The following SMARCA4 variants were observed in gnomAD, a reference collection of about 807,000 sequenced individuals.
The protein encoded by SMARCA4 is SWI/SNF related BAF chromatin remodeling complex subunit ATPase 4.
A neutral mutation model predicts 193.9 loss-of-function variants in SMARCA4; 31 were observed. The observed-to-expected ratio is 0.16, with a 90% CI of 0.12 to 0.22. The LOEUF is 0.22. Ranked by LOEUF, SMARCA4 falls within the 10% of genes least tolerant of loss-of-function variation. SMARCA4 has a pLI of 1.00. For missense variants in SMARCA4, 1,148 were observed against 2,296.0 expected (o/e 0.50, Z 10.22); for synonymous variants, 942 against 933.1 (o/e 1.01, Z -0.17).
rs2085991462 is a variant in SMARCA4, at chr19:10,985,989, G to A, written c.356-200G>A. On this transcript the variant is annotated intron_variant, in intron 3 of 34. Transcript: ENST00000344626. The surrounding 1 kb of genome is among the most constrained non-coding windows in gnomAD (Gnocchi z 4.5). Reference sequence around the variant, plus strand: ...ACCAGAAGCACCTTACTGAGACGTGGGCCAAACCAAATCCACCAGGTCGGC... The same window carrying A: ...ACCAGAAGCACCTTACTGAGACGTGAGCCAAACCAAATCCACCAGGTCGGC... Among the ~76,000 whole-genome samples, 1 of 152,182 alleles carries A rather than the reference G, an allele frequency of 6.6e-6. No individual in the cohort carries two copies. The highest frequency in any genetic ancestry group is 2.1e-4 in the South Asian group (1 of 4,830).
chr19:10,989,219 G>A (rs1177604548), intron 6 of SMARCA4, 98 bp from the exon 7 acceptor site: 1 of 1,462,124 alleles, frequency 6.8e-7, no homozygotes, highest in Non-Finnish European at 9.5e-7. Context: ...CATGACTAGT[G>A]CCTGCCTCTC....
At chr19:11,052,001 A>C (rs979844673) in intron 30 of SMARCA4, among the ~76,000 whole-genome samples, 8 of 152,170 alleles carry the variant, frequency 5.3e-5, no homozygotes, top group African/African-American at 1.9e-4. Flanking sequence ...AGGCTGAGGC[A>C]GGAGAATCGC....
At chr19:10,962,439 C>A (rs2083885822) in intron 1 of SMARCA4, among the ~76,000 whole-genome samples, 2 of 152,074 alleles carry the variant, frequency 1.3e-5, no homozygotes, top group African/African-American at 2.4e-5. Flanking sequence ...TTGCTCTGAA[C>A]CTGCACTGTG....
chr19:11,036,288 A>AT (rs1172066380), intron 29 of SMARCA4, among the ~76,000 whole-genome samples: 1 of 152,028 alleles, frequency 6.6e-6, no homozygotes, highest in Admixed American at 6.6e-5. Context: ...CCGGCCCTGC[A>AT]TTTTTTTCTT....
chr19:11,005,444 G>A (rs976103416), intron 13 of SMARCA4, among the ~76,000 whole-genome samples: 4 of 152,150 alleles, frequency 2.6e-5, no homozygotes, highest in African/African-American at 7.2e-5. Context: ...TCAGACACGC[G>A]CCTTCTTTCT....
At chr19:10,988,556 A>T (rs1337596471) in intron 6 of SMARCA4, among the ~76,000 whole-genome samples, 3 of 151,808 alleles carry the variant, frequency 2.0e-5, no homozygotes, top group African/African-American at 7.3e-5. Context: ...TCCTCTTTTC[A>T]TTTATTTAAC....
Position 11,035,569 on chromosome 19 carries a change from C to G in SMARCA4, c.4170+437C>G, listed in dbSNP as rs73013175. Among the ~76,000 whole-genome samples, 758 of 152,306 alleles carry G rather than the reference C, an allele frequency of 5.0e-3. 7 individuals carry two copies. The highest frequency in any genetic ancestry group is 0.017 in the African/African-American group (711 of 41,562). On this transcript the variant is annotated intron_variant, in intron 29 of 34. Transcript: ENST00000344626. ...CAGCCTCACTTTGGGCAAGTCCCCCCCCATGAGCTGGGGAGACTCAGTCAT... is the reference window on the plus strand; with the variant it reads ...CAGCCTCACTTTGGGCAAGTCCCCCGCCATGAGCTGGGGAGACTCAGTCAT...
intron 1 of SMARCA4, among the ~76,000 whole-genome samples, chr19:10,964,396 T>A (rs1440324706): frequency 6.7e-6 from 1 of 148,370 alleles, no homozygotes; most frequent in Non-Finnish European, 1.5e-5. Flanking sequence ...CTGCAACCTC[T>A]GCCTCCCGGG....
At chr19:11,038,596 C>T (rs866661740) in intron 29 of SMARCA4, among the ~76,000 whole-genome samples, 34 of 152,272 alleles carry the variant, frequency 2.2e-4, no homozygotes, top group African/African-American at 6.7e-4. Context: ...GCACCTGACA[C>T]GTTTGTTACC....
chr19:11,027,989 G>T, intron 24 of SMARCA4, 39 bp downstream of exon 24: 1 of 1,607,102 alleles, frequency 6.2e-7, no homozygotes, highest in Non-Finnish European at 8.5e-7. Context: ...ACAGGGTTTT[G>T]TTGTTGTGGC....
In SMARCA4 at chr19:11,034,545, G is replaced by A. The variant is rs2075146092; in HGVS notation, c.3951+345G>A. Among the ~76,000 whole-genome samples the A allele has an allele frequency of 6.6e-6, 1 of 152,202 alleles. No homozygotes were observed. Among genetic ancestry groups the A allele is most frequent in the Admixed American group, 6.5e-5 (1 of 15,288 alleles). On this transcript the variant is annotated intron_variant, in intron 28 of 34. Transcript: ENST00000344626. The surrounding 1 kb of genome is among the most constrained non-coding windows in gnomAD (Gnocchi z 7.0). ...GACTGACCAGGCCTTCAGTCGCAGA[G>A]CCCCCTTGCCCCTGGGTGGGAAACA...
Position 11,041,273 on chromosome 19 carries a change from T to C in SMARCA4, c.4171-34T>C. 7 of 1,581,250 alleles carry C rather than the reference T, an allele frequency of 4.4e-6. No homozygotes were observed. Among genetic ancestry groups the C allele is most frequent in the East Asian group, 4.5e-5 (2 of 44,224 alleles). ...GGCCTCTGCTTGTCGACCTGGGTGC[T>C]GGCTGTCCTATTTTACTACTATTGA... is the stretch of plus-strand genomic sequence containing the variant. On this transcript the variant is annotated intron_variant, in intron 29 of 34. Coordinates refer to ENST00000344626, the MANE Select transcript of SMARCA4 (RefSeq NM_003072.5). This position sits in a 1 kb window ranked among gnomAD's most constrained non-coding sequence, Gnocchi z 5.6.
Position 11,034,678 on chromosome 19 carries a change from T to G in SMARCA4, c.3952-236T>G, listed in dbSNP as rs1263440126. On this transcript the variant is annotated intron_variant, in intron 28 of 34. Coordinates refer to ENST00000344626, the MANE Select transcript of SMARCA4 (RefSeq NM_003072.5). The surrounding 1 kb of genome is among the most constrained non-coding windows in gnomAD (Gnocchi z 7.0). The stretch of plus-strand genomic sequence containing the variant: ...CCTGCTGGGGTCTGCAGCCCTCTTG[T>G]GCAACCTTCCATCTTTTCGAGTTTC... 6.6e-6 allele frequency among the ~76,000 whole-genome samples: 1 copy of G among 152,200 alleles called. No homozygotes were observed. The highest frequency in any genetic ancestry group is 1.5e-5 in the Non-Finnish European group (1 of 68,034).
rs1175632280 is a variant in SMARCA4, at chr19:11,033,641, A to G, written c.3774+124A>G. 2.5e-6 allele frequency: 2 copies of G among 801,328 alleles called. No individual in the cohort carries two copies. The highest frequency in any genetic ancestry group is 4.4e-6 in the Non-Finnish European group (2 of 449,842). The allele number at this position is 801,328 out of a possible 1,614,324, so 49.6% of individuals were successfully genotyped here. On this transcript the variant is annotated intron_variant, in intron 26 of 34. Coordinates refer to ENST00000344626, the MANE Select transcript of SMARCA4 (RefSeq NM_003072.5). The surrounding 1 kb of genome is among the most constrained non-coding windows in gnomAD (Gnocchi z 9.8). ...TTTTGCATCCCTTTGGAGTAAAGGGAGTGTGGGCTGAACGGAAAGAGGATG... is the reference window on the plus strand; with the variant it reads ...TTTTGCATCCCTTTGGAGTAAAGGGGGTGTGGGCTGAACGGAAAGAGGATG...
Position 11,031,294 on chromosome 19 carries a change from C to T in SMARCA4, c.3546+401C>T. The T allele has an allele frequency of 3.5e-6, 1 of 285,620 alleles. No individual in the cohort carries two copies. Among genetic ancestry groups the T allele is most frequent in the Non-Finnish European group, 6.9e-6 (1 of 145,692 alleles). The allele number at this position is 285,620 out of a possible 1,614,324, so 17.7% of individuals were successfully genotyped here. ...ACAATTGGGGGTAAACTCCATGCCA[C>T]TTCGTTTACTTCCTCCTCTTGTTCC... On this transcript the variant is annotated intron_variant, in intron 25 of 34. Transcript: ENST00000344626. This position sits in a 1 kb window ranked among gnomAD's most constrained non-coding sequence, Gnocchi z 4.3.
intron 15 of SMARCA4, chr19:11,011,114 A>C: frequency 1.1e-5 from 2 of 182,988 alleles, no homozygotes; most frequent in South Asian, 2.3e-4. Flanking sequence ...AGAGCTGCTC[A>C]TGCTCTTAAT....
In SMARCA4 at chr19:11,030,054, T is replaced by C. The variant is rs2074814397; in HGVS notation, c.3383-676T>C. Among the ~76,000 whole-genome samples, 1 of 151,950 alleles carries C rather than the reference T, an allele frequency of 6.6e-6. No individual in the cohort carries two copies. Among genetic ancestry groups the C allele is most frequent in the Non-Finnish European group, 1.5e-5 (1 of 67,992 alleles). On this transcript the variant is annotated intron_variant, in intron 24 of 34. Transcript: ENST00000344626. The surrounding 1 kb of genome is among the most constrained non-coding windows in gnomAD (Gnocchi z 5.5). ...TCCGAACTCCCAGCAGCGCAGGGAG[T>C]GTTGACATTGCCTTAATGCCCACAA...
Position 11,035,139 on chromosome 19 carries a change from G to A in SMARCA4, c.4170+7G>A, listed in dbSNP as rs529384250. 1.2e-6 allele frequency: 2 copies of A among 1,609,202 alleles called. No individual in the cohort carries two copies. Among genetic ancestry groups the A allele is most frequent in the South Asian group, 1.1e-5 (1 of 90,590 alleles). On this transcript the variant is annotated splice_region_variant and intron_variant, in intron 29 of 34. Coordinates refer to ENST00000344626, the MANE Select transcript of SMARCA4 (RefSeq NM_003072.5). ...GGAGAAGCAGTGGCTCAAGGTACATGCTGGAGAGGCCCAGCAGCTGCCGCA... is the reference window on the plus strand; with the variant it reads ...GGAGAAGCAGTGGCTCAAGGTACATACTGGAGAGGCCCAGCAGCTGCCGCA...
chr19:11,058,848 C>T lies in SMARCA4; in HGVS notation c.4594C>T (p.Leu1532=), dbSNP rs778775484. 2 of 1,614,012 alleles carry T rather than the reference C, an allele frequency of 1.2e-6. No individual in the cohort carries two copies. The highest frequency in any genetic ancestry group is 1.7e-6 in the Non-Finnish European group (2 of 1,180,008). Reference sequence around the variant, plus strand: ...CGACCTAGAGAAGGACGTCATGCTCCTGTGCCAGAACGCACAGACCTTCAA... The same window carrying T: ...CGACCTAGAGAAGGACGTCATGCTCTTGTGCCAGAACGCACAGACCTTCAA... ...LNDLEKDVML[L]CQNAQTFNLE... is the part of the protein sequence containing the mutation. The change falls in exon 32 of 35, where the codon CTG becomes TTG. Residue 1532 remains leucine, a synonymous_variant. Coordinates refer to ENST00000344626, the MANE Select transcript of SMARCA4 (RefSeq NM_003072.5). This position sits in a 1 kb window ranked among gnomAD's most constrained non-coding sequence, Gnocchi z 5.8.
Sources: gnomAD v4.1 joint callset for allele counts (sites outside exome capture counted in the v4.1 genomes callset) on GRCh38, gnomAD v4.1.1 for gene constraint, Gnocchi (gnomAD v3.1) non-coding constraint, MANE v1.5 for transcripts, NCBI Gene and HGNC (gene_info 2026-07-23, HGNC 2026-07-21) for gene names.